The following RIMS2 variants were observed in gnomAD, a reference collection of about 807,000 sequenced individuals.
RIMS2 encodes the protein regulating synaptic membrane exocytosis 2.
A neutral mutation model predicts 174.4 loss-of-function variants in RIMS2; 59 were observed. That is an observed-to-expected ratio of 0.34 (90% CI 0.27 to 0.42). The LOEUF is 0.42. RIMS2 is among the 10% of genes least tolerant of loss of function. The pLI is 1.00. For synonymous variants in RIMS2, 606 were observed against 572.5 expected (o/e 1.06, Z -0.84); for missense variants, 1,620 against 1,666.3 (o/e 0.97, Z 0.48).
rs372303550 is a variant in RIMS2, at chr8:104,148,083, T to C, written c.3335-96833T>C. ...CAAAGCTAATGAAAATAGCAAGCCT[T>C]TTTAGAAAATTTAACCATTATTAGA... On this transcript the variant is annotated intron_variant, in intron 19 of 23. Transcript: ENST00000504942. 2.6e-5 allele frequency among the ~76,000 whole-genome samples: 4 copies of C among 152,128 alleles called. No individual in the cohort carries two copies. The East Asian group carries it at 5.8e-4, about 22-fold the overall frequency.
intron 19 of RIMS2, among the ~76,000 whole-genome samples, chr8:104,066,503 A>T (rs1167558501): frequency 6.6e-6 from 1 of 152,020 alleles, no homozygotes; most frequent in Non-Finnish European, 1.5e-5. Context: ...TTCTTTTAGG[A>T]CCCATCATTT....
At chr8:103,513,935 C>G (rs1827778100) in intron 1 of RIMS2, among the ~76,000 whole-genome samples, 1 of 152,148 alleles carries the variant, frequency 6.6e-6, no homozygotes, top group African/African-American at 2.4e-5. Flanking sequence ...TTAAATTTTA[C>G]TCTTTCCAGA....
At chr8:103,711,723 T>TC (rs1476956206) in intron 2 of RIMS2, among the ~76,000 whole-genome samples, 3 of 151,830 alleles carry the variant, frequency 2.0e-5, no homozygotes, top group Non-Finnish European at 4.4e-5. Flanking sequence ...TGGTGAAACC[T>TC]CATCTCTACC....
At chr8:104,214,662 G>A (rs2099121845) in intron 19 of RIMS2, among the ~76,000 whole-genome samples, 1 of 152,174 alleles carries the variant, frequency 6.6e-6, no homozygotes, top group South Asian at 2.1e-4. Flanking sequence ...TGGCCAGGCT[G>A]ATCTCTAACT....
chr8:104,104,807 G>A lies in RIMS2; in HGVS notation c.3334+90192G>A, dbSNP rs143163475. ...AGATGGGAGGATCCCTTTGGCTAGT[G>A]AGGCAAAGGCTGCAGTGAGCTGAGA... On this transcript the variant is annotated intron_variant, in intron 19 of 23. Coordinates refer to ENST00000504942, the Ensembl canonical transcript of RIMS2. Among the ~76,000 whole-genome samples the A allele has an allele frequency of 4.9e-4, 74 of 151,668 alleles. 1 individual carries two copies. The highest frequency in any genetic ancestry group is 1.7e-3 in the African/African-American group (70 of 41,290).
intron 3 of RIMS2, among the ~76,000 whole-genome samples, chr8:103,812,336 T>C (rs1465099879): frequency 1.7e-4 from 24 of 144,456 alleles, no homozygotes; most frequent in Non-Finnish European, 2.7e-4. Context: ...ACCTTGTTTT[T>C]TTTTTTTTTT....
intron 1 of RIMS2, among the ~76,000 whole-genome samples, chr8:103,667,513 T>C (rs1044502203): frequency 1.3e-5 from 2 of 152,226 alleles, no homozygotes; most frequent in Non-Finnish European, 2.9e-5. Context: ...TCTCTGACAT[T>C]ATGAAGCAAC....
chr8:104,184,934 A>AG (rs1563615142), intron 19 of RIMS2, among the ~76,000 whole-genome samples: 1 of 40,962 alleles, frequency 2.4e-5, no homozygotes, highest in Non-Finnish European at 3.8e-5. Flanking sequence ...AGGGAAGAAA[A>AG]AGAGAAATTT....
chr8:103,829,803 A>G (rs1399820207), intron 3 of RIMS2, among the ~76,000 whole-genome samples: 1 of 152,168 alleles, frequency 6.6e-6, no homozygotes, highest in African/African-American at 2.4e-5. Flanking sequence ...CCAGATCCCC[A>G]AGTTTACTCA....
intron 1 of RIMS2, among the ~76,000 whole-genome samples, chr8:103,634,326 G>A (rs2096020085): frequency 6.6e-6 from 1 of 152,078 alleles, no homozygotes; most frequent in Non-Finnish European, 1.5e-5. Context: ...TAATTGTATT[G>A]TTTCGAGCGA....
rs192669192 is a variant in RIMS2, at chr8:103,943,256, A to G, written c.2701+330A>G. Among the ~76,000 whole-genome samples the G allele has an allele frequency of 7.2e-5, 11 of 152,322 alleles. No homozygotes were observed. In the East Asian group the frequency reaches 1.7e-3, roughly 24 times the overall value. On this transcript the variant is annotated intron_variant, in intron 14 of 23. Transcript: ENST00000504942. ...GGAATAAGATGGCTAATATGAGTTT[A>G]GCCACATAGTTGTATACACAAAATT...
intron 1 of RIMS2, among the ~76,000 whole-genome samples, chr8:103,667,350 T>C (rs565195175): frequency 2.0e-5 from 3 of 152,320 alleles, no homozygotes; most frequent in East Asian, 1.9e-4. Flanking sequence ...TAGAATCTGC[T>C]GTAGAACCTG....
At chr8:103,891,881 G>A (rs1301353900) in intron 4 of RIMS2, among the ~76,000 whole-genome samples, 2 of 152,062 alleles carry the variant, frequency 1.3e-5, no homozygotes, top group East Asian at 1.9e-4. Context: ...TCAGATAGAA[G>A]CGTTATCCTT....
intron 3 of RIMS2, among the ~76,000 whole-genome samples, chr8:103,790,844 A>G (rs1284392533): frequency 6.6e-6 from 1 of 152,220 alleles, no homozygotes; most frequent in East Asian, 1.9e-4. Flanking sequence ...ATTGTAAAAA[A>G]TGGATCTATC....
chr8:104,106,815 T>C (rs771454445), intron 19 of RIMS2, among the ~76,000 whole-genome samples: 5 of 152,358 alleles, frequency 3.3e-5, no homozygotes, highest in African/African-American at 1.2e-4. Context: ...TAATCATGTT[T>C]ATCCCTCATG....
intron 1 of RIMS2, among the ~76,000 whole-genome samples, chr8:103,663,816 G>A (rs7462974): frequency 0.14 from 20,680 of 152,100 alleles, 1,487 homozygotes; most frequent in Middle Eastern, 0.23. Context: ...AAAAGAGCCC[G>A]CATAGCCAAG....
At chr8:103,756,810 A>G (rs1389890992) in intron 2 of RIMS2, among the ~76,000 whole-genome samples, 1 of 152,020 alleles carries the variant, frequency 6.6e-6, no homozygotes, top group African/African-American at 2.4e-5. Flanking sequence ...AATGCTGTTT[A>G]TTTTGCTTAA....
At position 103,912,700 on chromosome 8, in the gene RIMS2, G is replaced by T. The variant is rs190079202; in HGVS notation, c.1812+528G>T. 2.8e-3 allele frequency among the ~76,000 whole-genome samples: 424 copies of T among 152,174 alleles called. 1 individual carries two copies. Among genetic ancestry groups the T allele is most frequent in the Non-Finnish European group, 4.9e-3 (334 of 67,994 alleles). ...CTAAAAACAAAAATAATTATGCTGG[G>T]AGATTAAATACAAATATTGATTTAT... On this transcript the variant is annotated intron_variant, in intron 6 of 23. Coordinates refer to ENST00000504942, the Ensembl canonical transcript of RIMS2.
intron 1 of RIMS2, among the ~76,000 whole-genome samples, chr8:103,585,723 T>C (rs2093879066): frequency 6.7e-6 from 1 of 150,084 alleles, no homozygotes; most frequent in African/African-American, 2.5e-5. Context: ...CACTAGGGCC[T>C]GTTGGGGGGT....
Sources: allele counts gnomAD v4.1 joint callset (sites outside exome capture counted in the v4.1 genomes callset), GRCh38; gene constraint gnomAD v4.1.1; transcripts MANE v1.5; gene names NCBI Gene and HGNC (gene_info 2026-07-23, HGNC 2026-07-21).